ASTN2: variants seen among roughly 807,000 people sequenced by gnomAD.
ASTN2 encodes astrotactin 2.
ASTN2 carries 54 observed loss-of-function variants against 139.8 expected under a neutral mutation model. The observed-to-expected ratio is 0.39, with a 90% CI of 0.31 to 0.48. The LOEUF (loss-of-function observed/expected upper bound fraction) is 0.48. ASTN2 is among the 20% of genes least tolerant of loss of function. The probability of loss-of-function intolerance (pLI) is 0.95; values close to 1 mark genes in which losing one functional copy is unlikely to be tolerated. For synonymous variants in ASTN2, 756 were observed against 719.5 expected (o/e 1.05, Z -0.81); for missense variants, 1,565 against 1,725.1 (o/e 0.91, Z 1.64).
intron 6 of ASTN2, among the ~76,000 whole-genome samples, chr9:117,025,077 G>C (rs1487259098): frequency 6.6e-6 from 1 of 152,064 alleles, no homozygotes; most frequent in Non-Finnish European, 1.5e-5. Context: ...GGATTACCGA[G>C]TCTCGGGTAT....
Position 116,633,750 on chromosome 9 carries a change from G to T in ASTN2, c.3073-13307C>A, listed in dbSNP as rs563911296. The stretch of plus-strand genomic sequence containing the variant: ...GGAGGAAGCCTCTCCTGCTGGTGGG[G>T]CTTCTATGGGACTATGAGTGGGGGC... On this transcript the variant is annotated intron_variant, in intron 17 of 22. Coordinates refer to ENST00000313400, the MANE Select transcript of ASTN2 (RefSeq NM_001365068.1). Among the ~76,000 whole-genome samples the T allele has an allele frequency of 1.8e-4, 27 of 152,280 alleles. No homozygotes were observed. In the South Asian group the frequency reaches 4.4e-3, roughly 25 times the overall value.
At chr9:116,663,878 G>A (rs1159549267) in intron 16 of ASTN2, among the ~76,000 whole-genome samples, 7 of 152,084 alleles carry the variant, frequency 4.6e-5, no homozygotes, top group African/African-American at 1.7e-4. Flanking sequence ...GGAAAATCAG[G>A]GATCCAAGAA....
chr9:116,640,286 C>T (rs1588127846), intron 17 of ASTN2, among the ~76,000 whole-genome samples: 2 of 152,094 alleles, frequency 1.3e-5, no homozygotes, highest in South Asian at 2.1e-4. Context: ...CTCATAAACT[C>T]TGTTATGACC....
chr9:117,334,915 C>G (rs540934712), intron 1 of ASTN2, among the ~76,000 whole-genome samples: 2 of 152,098 alleles, frequency 1.3e-5, no homozygotes, highest in Non-Finnish European at 2.9e-5. Context: ...ATTAGCCAGG[C>G]GTGGTGGCCT....
intron 2 of ASTN2, among the ~76,000 whole-genome samples, chr9:117,243,437 T>C (rs1833274591): frequency 6.6e-6 from 1 of 152,186 alleles, no homozygotes; most frequent in South Asian, 2.1e-4. Flanking sequence ...ACAGAATCGT[T>C]TAAAATAGGA....
rs145975642 is a variant in ASTN2 at position 116,941,411 on chromosome 9, C to G, written c.1889+33797G>C. ...GTACACCTTTCACCCAGCTTCCATT[C>G]AGCTTAACATGTTACATAACTATCC... On this transcript the variant is annotated intron_variant, in intron 10 of 22. Coordinates refer to ENST00000313400, the MANE Select transcript of ASTN2 (RefSeq NM_001365068.1). 2.8e-3 allele frequency among the ~76,000 whole-genome samples: 426 copies of G among 151,920 alleles called. 1 individual carries two copies. The highest frequency in any genetic ancestry group is 1.0e-2 in the African/African-American group (414 of 41,410).
chr9:116,867,930 G>A (rs1029915083), intron 10 of ASTN2, among the ~76,000 whole-genome samples: 1 of 152,130 alleles, frequency 6.6e-6, no homozygotes, highest in Admixed American at 6.5e-5. Context: ...TTCTTAACTC[G>A]GGGGCTCAAT....
intron 20 of ASTN2, among the ~76,000 whole-genome samples, chr9:116,480,930 T>C (rs1161391484): frequency 6.6e-6 from 1 of 152,196 alleles, no homozygotes; most frequent in African/African-American, 2.4e-5. Flanking sequence ...AGGTAATGTC[T>C]GTCATCACAA....
chr9:116,853,274 A>G (rs1027119394), intron 11 of ASTN2, among the ~76,000 whole-genome samples: 4 of 152,186 alleles, frequency 2.6e-5, no homozygotes, highest in South Asian at 2.1e-4. Flanking sequence ...TACTTTTAGA[A>G]AACCAAAAAA....
At chr9:116,904,180 A>C (rs573252722) in intron 10 of ASTN2, among the ~76,000 whole-genome samples, 1 of 152,274 alleles carries the variant, frequency 6.6e-6, no homozygotes, top group African/African-American at 2.4e-5. Context: ...GTACAGCTCT[A>C]AGGCCTACCA....
At chr9:117,288,582 T>G (rs1402593472) in intron 2 of ASTN2, among the ~76,000 whole-genome samples, 1 of 152,222 alleles carries the variant, frequency 6.6e-6, no homozygotes, top group Non-Finnish European at 1.5e-5. Context: ...ACTGCCTTTT[T>G]GTTAGCCCAG....
intron 12 of ASTN2, among the ~76,000 whole-genome samples, chr9:116,808,275 TA>T (rs1831079331): frequency 3.7e-5 from 4 of 109,476 alleles, no homozygotes; most frequent in Admixed American, 2.2e-4. Context: ...TTTAAATACA[TA>T]TTGTGTGTGT....
chr9:116,632,132 GAGAGAGAGAGAGAGAGAGAGAGAGAC>G (rs1461699835), intron 17 of ASTN2, among the ~76,000 whole-genome samples: 1 of 68,202 alleles, frequency 1.5e-5, no homozygotes, highest in Non-Finnish European at 2.7e-5. Flanking sequence ...AAAAAGAAGA[GAGAGAGAGAGAGAGAGAGAGAGAGAC>G]AGAGAGAGAG....
At chr9:116,712,369 A>T (rs565468243) in intron 16 of ASTN2, among the ~76,000 whole-genome samples, 1 of 152,236 alleles carries the variant, frequency 6.6e-6, no homozygotes, top group East Asian at 1.9e-4. Context: ...GATTTTTCTC[A>T]TTAAATATCT....
chr9:116,650,892 A>G (rs942340768), intron 17 of ASTN2, among the ~76,000 whole-genome samples: 1 of 150,584 alleles, frequency 6.6e-6, no homozygotes, highest in Non-Finnish European at 1.5e-5. Context: ...AATGCAGCAC[A>G]AGGAACAGGC....
chr9:116,846,633 A>G (rs1295479255), intron 11 of ASTN2, among the ~76,000 whole-genome samples: 15 of 152,200 alleles, frequency 9.9e-5, no homozygotes, highest in Non-Finnish European at 2.2e-4. Context: ...AGTCCCACGT[A>G]ATTAGGGGAC....
chr9:117,027,839 C>T (rs1053706667), intron 6 of ASTN2, among the ~76,000 whole-genome samples: 1 of 152,134 alleles, frequency 6.6e-6, no homozygotes, highest in East Asian at 1.9e-4. Flanking sequence ...TTGGCATTTT[C>T]TAACCACCTA....
intron 1 of ASTN2, among the ~76,000 whole-genome samples, chr9:117,375,512 T>C (rs1034359514): frequency 3.9e-5 from 6 of 152,334 alleles, no homozygotes; most frequent in Admixed American, 2.6e-4. Context: ...AGGAATTTTG[T>C]TTAACACATG....
chr9:116,453,010 G>A (rs547877939), intron 20 of ASTN2, among the ~76,000 whole-genome samples: 16 of 152,126 alleles, frequency 1.1e-4, no homozygotes, highest in Non-Finnish European at 2.1e-4. Context: ...GCCAAGCAGA[G>A]GCCACCAACT....
Sources: gnomAD v4.1 joint callset for allele counts (sites outside exome capture counted in the v4.1 genomes callset) on GRCh38, gnomAD v4.1.1 for gene constraint, MANE v1.5 for transcripts, NCBI Gene and HGNC (gene_info 2026-07-23, HGNC 2026-07-21) for gene names.